Variants in ANKRD12 observed in about 807,000 individuals in gnomAD.
The protein encoded by ANKRD12 is ankyrin repeat domain 12.
ANKRD12 carries 85 observed loss-of-function variants against 183.4 expected under a neutral mutation model. The ratio of observed to expected loss-of-function variants is 0.46; its 90% CI spans 0.39 to 0.56. The LOEUF is 0.56. Among genes scored for constraint, ANKRD12 ranks in the 20% least tolerant of loss-of-function variants. ANKRD12 has a pLI of 0.00. For missense variants in ANKRD12, 2,405 were observed against 2,357.1 expected, an observed-to-expected ratio of 1.02 and a Z score of -0.42; for synonymous variants, 914 against 800.2, an observed-to-expected ratio of 1.14 and a Z score of -2.40.
At chr18:9,186,923 T>C (rs928622738) in intron 2 of ANKRD12, among the ~76,000 whole-genome samples, 1 of 151,932 alleles carries the variant, frequency 6.6e-6, no homozygotes, top group African/African-American at 2.4e-5. Context: ...GGCTAATTTT[T>C]TGTATTTTTA....
chr18:9,191,393 T>C (rs1232772208), intron 2 of ANKRD12, among the ~76,000 whole-genome samples: 1 of 152,248 alleles, frequency 6.6e-6, no homozygotes, highest in African/African-American at 2.4e-5. Flanking sequence ...AGTTAGCAGT[T>C]ATGATAGTTA....
At chr18:9,187,600 A>G (rs562093973) in intron 2 of ANKRD12, among the ~76,000 whole-genome samples, 5 of 152,334 alleles carry the variant, frequency 3.3e-5, no homozygotes, top group East Asian at 1.9e-4. Flanking sequence ...ATTTTTATGT[A>G]AAGTCCTCTC....
At chr18:9,210,392 G>A (rs576286870) in intron 5 of ANKRD12, among the ~76,000 whole-genome samples, 1 of 152,056 alleles carries the variant, frequency 6.6e-6, no homozygotes, top group South Asian at 2.1e-4. Context: ...AAAAACTTCT[G>A]TAGGAAACTA....
chr18:9,171,536 T>C (rs139294437), intron 1 of ANKRD12, among the ~76,000 whole-genome samples: 192 of 152,326 alleles, frequency 1.3e-3, no homozygotes, highest in African/African-American at 4.5e-3. Context: ...GTCTGTGTAC[T>C]TCAGTGTGTT....
chr18:9,188,904 C>T (rs1326907949), intron 2 of ANKRD12, among the ~76,000 whole-genome samples: 4 of 152,016 alleles, frequency 2.6e-5, no homozygotes, highest in East Asian at 3.8e-4. Flanking sequence ...CCTAAAACAA[C>T]AATTTTGAAA....
intron 2 of ANKRD12, among the ~76,000 whole-genome samples, chr18:9,193,719 G>C (rs1335018484): frequency 6.6e-6 from 1 of 151,856 alleles, no homozygotes; most frequent in Non-Finnish European, 1.5e-5. Flanking sequence ...ATCTTTTATA[G>C]TCTGAATCTA....
intron 8 of ANKRD12, among the ~76,000 whole-genome samples, chr18:9,252,129 C>G (rs989105104): frequency 6.6e-6 from 1 of 152,170 alleles, no homozygotes; most frequent in Non-Finnish European, 1.5e-5. Context: ...CTCACCATAG[C>G]AGTCATCTAC....
chr18:9,224,534 G>A (rs762872635), intron 8 of ANKRD12, among the ~76,000 whole-genome samples: 2 of 152,072 alleles, frequency 1.3e-5, no homozygotes, highest in East Asian at 1.9e-4. Context: ...AAAACTGCCC[G>A]ATAAAATTGG....
intron 1 of ANKRD12, among the ~76,000 whole-genome samples, chr18:9,168,947 A>G (rs1038198682): frequency 6.6e-6 from 1 of 152,064 alleles, no homozygotes; most frequent in African/African-American, 2.4e-5. Context: ...TTCAAAGAAC[A>G]TCGTTATTTC....
intron 2 of ANKRD12, among the ~76,000 whole-genome samples, chr18:9,190,835 GT>G (rs1163176804): frequency 3.3e-5 from 5 of 152,140 alleles, no homozygotes. Flanking sequence ...CTACATCATA[GT>G]GTAAACATGA....
intron 11 of ANKRD12, among the ~76,000 whole-genome samples, chr18:9,276,321 A>T (rs1279414834): frequency 6.6e-6 from 1 of 152,216 alleles, no homozygotes; most frequent in East Asian, 1.9e-4. Context: ...AGTACAAAGG[A>T]TAATAGGGTA....
At chr18:9,226,937 A>G (rs1256638058) in intron 8 of ANKRD12, among the ~76,000 whole-genome samples, 1 of 152,176 alleles carries the variant, frequency 6.6e-6, no homozygotes, top group African/African-American at 2.4e-5. Context: ...ATGGTAATTA[A>G]AGGCAATACC....
chr18:9,255,551 T>A lies in ANKRD12; in HGVS notation c.2284T>A (p.Phe762Ile). The A allele has an allele frequency of 6.3e-7, 1 of 1,574,810 alleles. No homozygotes were observed. The highest frequency in any genetic ancestry group is 8.5e-7 in the Non-Finnish European group (1 of 1,169,778). ...DKIKKESEKS[F>I]REEKIKDLKE... ...GATTAAAAAGGAAAGCGAGAAATCT[T>A]TTAGGGAGGAAAAAATAAAAGATCT... The change falls in exon 9 of 13, where the codon TTT becomes ATT. Residue 762 changes from phenylalanine (F) to isoleucine (I), a missense_variant. Coordinates refer to ENST00000262126, the MANE Select transcript of ANKRD12 (RefSeq NM_015208.5).
intron 10 of ANKRD12, among the ~76,000 whole-genome samples, chr18:9,265,184 A>G (rs28418978): frequency 0.57 from 86,394 of 152,102 alleles, 25,502 homozygotes; most frequent in South Asian, 0.75. Context: ...GCCTCTGTAG[A>G]CTCCACCTCT....
At chr18:9,280,654 TG>T (rs1344037868) in intron 12 of ANKRD12, among the ~76,000 whole-genome samples, 4 of 152,132 alleles carry the variant, frequency 2.6e-5, no homozygotes, top group Non-Finnish European at 4.4e-5. Context: ...CTGGGCGTGG[TG>T]GCACATGCCT....
intron 3 of ANKRD12, among the ~76,000 whole-genome samples, chr18:9,197,110 C>T (rs1378267352): frequency 1.3e-5 from 2 of 152,066 alleles, no homozygotes; most frequent in African/African-American, 2.4e-5. Flanking sequence ...AATAAAGTTT[C>T]AAGATAATCT....
At chr18:9,186,452 G>A (rs1462643214) in intron 2 of ANKRD12, among the ~76,000 whole-genome samples, 1 of 152,076 alleles carries the variant, frequency 6.6e-6, no homozygotes, top group Non-Finnish European at 1.5e-5. Flanking sequence ...CAGTAGTTTG[G>A]GTAAGGATCA....
intron 8 of ANKRD12, among the ~76,000 whole-genome samples, chr18:9,228,868 A>G (rs1215520038): frequency 2.0e-5 from 3 of 150,026 alleles, no homozygotes; most frequent in East Asian, 1.9e-4. Flanking sequence ...TCTTAGCTCT[A>G]AAATCTTTGC....
chr18:9,174,119 T>G (rs1445866901), intron 1 of ANKRD12, among the ~76,000 whole-genome samples: 1 of 152,168 alleles, frequency 6.6e-6, no homozygotes, highest in Non-Finnish European at 1.5e-5. Flanking sequence ...TGTGAGGGAC[T>G]CCTCCTCATC....
Sources: gnomAD v4.1 joint callset for allele counts (sites outside exome capture counted in the v4.1 genomes callset) on GRCh38, gnomAD v4.1.1 for gene constraint, MANE v1.5 for transcripts, NCBI Gene and HGNC (gene_info 2026-07-23, HGNC 2026-07-21) for gene names.